The following SIPA1L3 variants were observed in gnomAD, a reference collection of about 807,000 sequenced individuals.
The protein encoded by SIPA1L3 is signal-induced proliferation-associated 1-like protein 3.
SIPA1L3 carries 59 observed loss-of-function variants against 150.1 expected under a neutral mutation model. That is an observed-to-expected ratio of 0.39 (90% CI 0.32 to 0.49). The LOEUF is 0.49. SIPA1L3 is among the 20% of genes least tolerant of loss of function. The probability of loss-of-function intolerance (pLI) is 0.86; values close to 1 mark genes in which losing one functional copy is unlikely to be tolerated. For missense variants in SIPA1L3, 2,211 were observed against 2,489.5 expected (o/e 0.89, Z 2.38); for synonymous variants, 1,070 against 1,077.6 (o/e 0.99, Z 0.14).
chr19:37,954,824 T>C (rs764309946), intron 1 of SIPA1L3, among the ~76,000 whole-genome samples: 6 of 152,088 alleles, frequency 3.9e-5, no homozygotes, highest in Non-Finnish European at 7.4e-5. Context: ...CAGTGGCTTA[T>C]GCCTGTAATC....
chr19:37,935,854 C>T (rs191940132), intron 1 of SIPA1L3, among the ~76,000 whole-genome samples: 1 of 152,280 alleles, frequency 6.6e-6, no homozygotes, highest in African/African-American at 2.4e-5. Context: ...AGCCCAGATT[C>T]AGTATGGGAG....
rs138729135 is a variant in SIPA1L3, at chr19:38,084,129, T to TGAA, written c.1534+1030_1534+1031insGAA. Among the ~76,000 whole-genome samples the TGAA allele has an allele frequency of 1.9e-3, 177 of 90,884 alleles. 1 individual carries two copies. Among genetic ancestry groups the TGAA allele is most frequent in the African/African-American group, 0.016 (165 of 10,552 alleles). The allele number at this position is 90,884 out of a possible 152,430, so 59.6% of individuals were successfully genotyped here. On this transcript the variant is annotated intron_variant, in intron 3 of 21. Coordinates refer to ENST00000222345, the MANE Select transcript of SIPA1L3 (RefSeq NM_015073.3). Reference sequence around the variant, plus strand: ...TGGTATGGTCAGTCTTAAGCATCAGTATGGTCAGCCTTAGTGCATGGCATG... The same window carrying TGAA: ...TGGTATGGTCAGTCTTAAGCATCAGTGAAATGGTCAGCCTTAGTGCATGGCATG...
At chr19:38,031,118 A>T (rs762599665) in intron 2 of SIPA1L3, among the ~76,000 whole-genome samples, 2 of 152,146 alleles carry the variant, frequency 1.3e-5, no homozygotes, top group Non-Finnish European at 2.9e-5. Flanking sequence ...TCCTGGCACA[A>T]TTCTTGATTA....
intron 2 of SIPA1L3, among the ~76,000 whole-genome samples, chr19:38,036,422 C>T (rs988609074): frequency 3.3e-5 from 5 of 152,342 alleles, no homozygotes; most frequent in South Asian, 2.1e-4. Context: ...CCCTAAGGAG[C>T]GTGTGTCCCG....
Position 38,141,288 on chromosome 19 carries a change from A to T in SIPA1L3, c.3248A>T (p.Gln1083Leu). The change falls in exon 11 of 22, where the codon CAG (glutamine) becomes CTG (leucine). Residue 1083 changes from glutamine to leucine, a missense_variant. Physicochemically the swap from Gln to Leu is moderately radical, Grantham distance 113 (BLOSUM62 -2). This residue lies in a region of SIPA1L3 where 806 missense variants were observed against 870.1 expected (regional missense o/e 0.93). Coordinates refer to ENST00000222345, the MANE Select transcript of SIPA1L3 (RefSeq NM_015073.3). ...CCCTACCGCAGCAATGCTCCCTGGC[A>T]GTGGAGCGGGCCCGCATCCCATAAC... ...RPPYRSNAPW[Q>L]WSGPASHNSL... The T allele has an allele frequency of 2.5e-6, 4 of 1,613,822 alleles. No individual in the cohort carries two copies. In the South Asian group the frequency reaches 4.4e-5, roughly 18 times the overall value.
chr19:38,106,069 A>G (rs907596446), intron 6 of SIPA1L3, among the ~76,000 whole-genome samples: 1 of 151,828 alleles, frequency 6.6e-6, no homozygotes, highest in African/African-American at 2.4e-5. Flanking sequence ...TCTGGTGGGT[A>G]CATAGCAATG....
rs755754262 is a variant in SIPA1L3 at position 38,082,808 on chromosome 19, C to G, written c.1243C>G (p.Leu415Val). ...LNCKENLEQD[L>V]GDDNSNDLLL... Reference sequence around the variant, plus strand: ...CTGCAAGGAGAACTTGGAGCAGGACCTCGGCGATGACAACAGCAACGACCT... The same window carrying G: ...CTGCAAGGAGAACTTGGAGCAGGACGTCGGCGATGACAACAGCAACGACCT... The change falls in exon 3 of 22, where the codon CTC (leucine) becomes GTC (valine). Residue 415 changes from leucine (L) to valine (V), a missense_variant. By Grantham distance (32) the Leu-to-Val change is conservative. Coordinates refer to ENST00000222345, the MANE Select transcript of SIPA1L3 (RefSeq NM_015073.3). The G allele has an allele frequency of 6.2e-7, 1 of 1,613,640 alleles. No individual in the cohort carries two copies. Among genetic ancestry groups the G allele is most frequent in the Non-Finnish European group, 8.5e-7 (1 of 1,179,920 alleles).
At chr19:38,073,881 G>A (rs1274061571) in intron 2 of SIPA1L3, among the ~76,000 whole-genome samples, 1 of 152,196 alleles carries the variant, frequency 6.6e-6, no homozygotes, top group African/African-American at 2.4e-5. Flanking sequence ...CACTCCAACT[G>A]TGCTTCTGTG....
At chr19:37,934,797 T>A (rs2046586376) in intron 1 of SIPA1L3, among the ~76,000 whole-genome samples, 1 of 152,132 alleles carries the variant, frequency 6.6e-6, no homozygotes, top group Non-Finnish European at 1.5e-5. Flanking sequence ...AATATTACAC[T>A]TATTTTCTTG....
intron 9 of SIPA1L3, among the ~76,000 whole-genome samples, chr19:38,128,863 C>A (rs1190487820): frequency 6.6e-6 from 1 of 151,804 alleles, no homozygotes; most frequent in African/African-American, 2.4e-5. Context: ...GGCCACTGCA[C>A]TCCAGCCTGG....
chr19:37,962,462 C>T (rs2046867417), intron 1 of SIPA1L3, among the ~76,000 whole-genome samples: 1 of 78,604 alleles, frequency 1.3e-5, no homozygotes, highest in Non-Finnish European at 2.2e-5. Flanking sequence ...CTGCAGCCGG[C>T]CTTTTTTTTT....
intron 2 of SIPA1L3, among the ~76,000 whole-genome samples, chr19:38,036,044 G>A (rs1968774706): frequency 6.6e-6 from 1 of 152,190 alleles, no homozygotes; most frequent in Admixed American, 6.5e-5. Flanking sequence ...TTTCTTTGGT[G>A]TGTGTTGGAG....
chr19:37,993,393 G>A (rs1967559708), intron 1 of SIPA1L3, among the ~76,000 whole-genome samples: 1 of 152,048 alleles, frequency 6.6e-6, no homozygotes, highest in African/African-American at 2.4e-5. Flanking sequence ...GTGCGGTGGC[G>A]CGATCTCGGC....
chr19:38,187,737 A>G (rs1440930730), intron 16 of SIPA1L3, among the ~76,000 whole-genome samples: 39 of 138,432 alleles, frequency 2.8e-4, no homozygotes, highest in Non-Finnish European at 5.5e-4. Flanking sequence ...AAAAAAAAAA[A>G]GACAAAAGGA....
At chr19:38,040,799 C>T (rs1032068098) in intron 2 of SIPA1L3, among the ~76,000 whole-genome samples, 5 of 152,306 alleles carry the variant, frequency 3.3e-5, no homozygotes, top group Middle Eastern at 3.4e-3. Context: ...CTCGCTCAGT[C>T]GCCCAGGCTG....
rs760346808 is a variant in SIPA1L3, at chr19:38,082,154, C to T, written c.589C>T (p.Pro197Ser). The part of the protein sequence containing the change: ...PRGARHTGAL[P>S]LFREYGSTSS... ...GGGGGCCCGGCACACGGGGGCGCTGCCCCTCTTCCGCGAGTACGGGAGCAC... is the reference window on the plus strand; with the variant it reads ...GGGGGCCCGGCACACGGGGGCGCTGTCCCTCTTCCGCGAGTACGGGAGCAC... Residue 197 changes from proline (P) to serine (S), a missense_variant, in exon 3 of 22, where the codon CCC becomes TCC. Physicochemically the swap from Pro to Ser is moderately conservative, Grantham distance 74. Around this residue, in one of 5 missense-constraint regions of SIPA1L3, gnomAD observed 587 missense variants for 534.5 expected, o/e 1.10. Transcript: ENST00000222345. 3.7e-6 allele frequency: 6 copies of T among 1,605,748 alleles called. No individual in the cohort carries two copies. Among genetic ancestry groups the T allele is most frequent in the Non-Finnish European group, 5.1e-6 (6 of 1,179,600 alleles).
At chr19:38,080,922 C>T (rs2145820084) in intron 2 of SIPA1L3, among the ~76,000 whole-genome samples, 1 of 150,560 alleles carries the variant, frequency 6.6e-6, no homozygotes, top group South Asian at 2.1e-4. Context: ...ATGAGCCAAG[C>T]ACATGCCACT....
chr19:38,101,090 G>A lies in SIPA1L3; in HGVS notation c.1893G>A (p.Lys631=). The A allele has an allele frequency of 6.3e-7, 1 of 1,594,372 alleles. No individual in the cohort carries two copies. The highest frequency in any genetic ancestry group is 8.6e-7 in the Non-Finnish European group (1 of 1,169,504). The stretch of plus-strand genomic sequence containing the variant: ...ACAAGGTGGGCATCCTCTATTGCAA[G>A]GCCGGCCAGAGCTCCGAGGAGGAGA... ...RKHKVGILYC[K]AGQSSEEEMY... is the part of the protein sequence containing the mutation. The change falls in exon 6 of 22, where the codon AAG becomes AAA. Residue 631 remains lysine (K), a synonymous_variant. Transcript: ENST00000222345.
intron 12 of SIPA1L3, among the ~76,000 whole-genome samples, chr19:38,151,279 C>T (rs1222778203): frequency 1.3e-5 from 2 of 152,226 alleles, no homozygotes; most frequent in Non-Finnish European, 2.9e-5. Context: ...GTCTCCGTGG[C>T]TTAAATCAGC....
Sources: gnomAD v4.1 joint callset for allele counts (sites outside exome capture counted in the v4.1 genomes callset) on GRCh38, gnomAD v4.1.1 for gene constraint, gnomAD v4.1.1 regional missense constraint, MANE v1.5 for transcripts, NCBI Gene and HGNC (gene_info 2026-07-23, HGNC 2026-07-21) for gene names.